The following EPC2 variants were observed in gnomAD, a reference collection of about 807,000 sequenced individuals.
The protein encoded by EPC2 is enhancer of polycomb homolog 2.
In EPC2, 14 loss-of-function variants were observed where a neutral mutation model predicts 92.1. The observed-to-expected ratio is 0.15, with a 90% confidence interval of 0.10 to 0.24. The LOEUF is 0.24. Ranked by LOEUF, EPC2 falls within the 10% of genes least tolerant of loss-of-function variation. EPC2 has a pLI of 1.00. For missense variants in EPC2, 755 were observed against 971.5 expected (o/e 0.78, Z 2.96); for synonymous variants, 340 against 334.7 (o/e 1.02, Z -0.17).
rs764012063 is a variant in EPC2 at position 148,784,954 on chromosome 2, C to G, written c.2304C>G (p.Asp768Glu). 3.9e-6 allele frequency: 6 copies of G among 1,558,182 alleles called. No homozygotes were observed. Among genetic ancestry groups the G allele is most frequent in the Non-Finnish European group, 5.2e-6 (6 of 1,150,846 alleles). Residue 768 changes from aspartate to glutamate, a missense_variant, in exon 13 of 14, where the codon GAC (aspartate) becomes GAG (glutamate). This residue lies in a region of EPC2 where 207 missense variants were observed against 260.5 expected (regional missense o/e 0.79). Coordinates refer to ENST00000258484, the MANE Select transcript of EPC2 (RefSeq NM_015630.4). Reference sequence around the variant, plus strand: ...TTGCCACAGTTGCTGCCAGTATGGACAGAGTGCCAAAGGTTACTCCCAGCA... The same window carrying G: ...TTGCCACAGTTGCTGCCAGTATGGAGAGAGTGCCAAAGGTTACTCCCAGCA... ...LKLATVAASM[D>E]RVPKVTPSSA...
chr2:148,651,253 A>G (rs1260678631), intron 1 of EPC2, among the ~76,000 whole-genome samples: 1 of 152,198 alleles, frequency 6.6e-6, no homozygotes. Flanking sequence ...AGGTTCTTCC[A>G]TGTTAGATGC....
At chr2:148,774,199 T>C (rs534480809) in intron 10 of EPC2, among the ~76,000 whole-genome samples, 1 of 152,326 alleles carries the variant, frequency 6.6e-6, no homozygotes, top group South Asian at 2.1e-4. Context: ...CACCAGTTCC[T>C]TAGTTCTTAA....
chr2:148,741,949 T>C (rs753812303), intron 2 of EPC2, among the ~76,000 whole-genome samples: 2 of 152,194 alleles, frequency 1.3e-5, no homozygotes, highest in Non-Finnish European at 2.9e-5. Context: ...ATATCCAACC[T>C]TGTCCTTTTT....
intron 3 of EPC2, among the ~76,000 whole-genome samples, chr2:148,745,792 C>T (rs1446053707): frequency 6.6e-6 from 1 of 152,046 alleles, no homozygotes; most frequent in Non-Finnish European, 1.5e-5. Flanking sequence ...GTACTAGGTC[C>T]TGGGACAAGG....
chr2:148,662,098 A>G (rs547639084), intron 1 of EPC2, among the ~76,000 whole-genome samples: 3 of 152,358 alleles, frequency 2.0e-5, no homozygotes, highest in African/African-American at 7.2e-5. Flanking sequence ...AGAGAAATGC[A>G]AATCAAAACT....
At chr2:148,667,585 T>A (rs950403652) in intron 1 of EPC2, among the ~76,000 whole-genome samples, 5 of 152,232 alleles carry the variant, frequency 3.3e-5, no homozygotes, top group Non-Finnish European at 5.9e-5. Flanking sequence ...GCAGTTTTAC[T>A]TCTTCCTCTC....
intron 2 of EPC2, among the ~76,000 whole-genome samples, chr2:148,726,396 C>G (rs58672311): frequency 0.2 from 30,172 of 152,018 alleles, 3,648 homozygotes; most frequent in East Asian, 0.49. Flanking sequence ...GCTGTACCAG[C>G]GACAGTAGTA....
At chr2:148,748,431 C>T (rs1311222251) in intron 3 of EPC2, among the ~76,000 whole-genome samples, 1 of 152,042 alleles carries the variant, frequency 6.6e-6, no homozygotes, top group Non-Finnish European at 1.5e-5. Context: ...TTCTAGTTGG[C>T]CAGTTTGCAC....
chr2:148,689,181 A>T (rs1158188721), intron 1 of EPC2, among the ~76,000 whole-genome samples: 4 of 145,356 alleles, frequency 2.8e-5, no homozygotes, highest in Non-Finnish European at 6.1e-5. Context: ...ATTGAGTGAA[A>T]TTTTTTTTTT....
intron 2 of EPC2, among the ~76,000 whole-genome samples, chr2:148,717,193 A>ATTTTTTTTTTTTTTTTTTTTTTTTTTTTT (rs61215161): frequency 9.9e-6 from 1 of 100,898 alleles, no homozygotes; most frequent in Non-Finnish European, 2.0e-5. Flanking sequence ...GGATTCATTG[A>ATTTTTTTTTTTTTTTTTTTTTTTTTTTTT]TTTTTTTTTT....
At chr2:148,757,057 C>T (rs562826385) in intron 4 of EPC2, among the ~76,000 whole-genome samples, 2 of 152,274 alleles carry the variant, frequency 1.3e-5, no homozygotes, top group African/African-American at 4.8e-5. Flanking sequence ...GAAAAAATGT[C>T]AATATGAACT....
chr2:148,763,142 C>T (rs1683334128), intron 6 of EPC2, among the ~76,000 whole-genome samples: 1 of 152,128 alleles, frequency 6.6e-6, no homozygotes, highest in South Asian at 2.1e-4. Context: ...TAGTTATTAT[C>T]ACTAGCCTTA....
chr2:148,660,005 T>G (rs1381803874), intron 1 of EPC2, among the ~76,000 whole-genome samples: 1 of 152,172 alleles, frequency 6.6e-6, no homozygotes, highest in African/African-American at 2.4e-5. Context: ...TCTTCCATTA[T>G]AACAATATCA....
intron 2 of EPC2, among the ~76,000 whole-genome samples, chr2:148,730,586 A>G (rs1682597641): frequency 6.6e-6 from 1 of 152,178 alleles, no homozygotes. Flanking sequence ...AACCTGTTTT[A>G]ACAAACCCTT....
chr2:148,782,349 C>A (rs1683769235), intron 11 of EPC2, among the ~76,000 whole-genome samples: 1 of 152,144 alleles, frequency 6.6e-6, no homozygotes, highest in East Asian at 1.9e-4. Context: ...TCAGCCTGGT[C>A]AACGTGGCAA....
chr2:148,725,088 A>G (rs1401075949), intron 2 of EPC2, among the ~76,000 whole-genome samples: 1 of 152,134 alleles, frequency 6.6e-6, no homozygotes, highest in Non-Finnish European at 1.5e-5. Flanking sequence ...TTTTTGGAAT[A>G]TAGAATTCAA....
chr2:148,718,024 T>C (rs1033857916), intron 2 of EPC2, among the ~76,000 whole-genome samples: 2 of 152,240 alleles, frequency 1.3e-5, no homozygotes, highest in Middle Eastern at 3.2e-3. Context: ...TTGATCTTTG[T>C]TGGTTTAAAG....
intron 3 of EPC2, among the ~76,000 whole-genome samples, chr2:148,747,395 T>TA (rs1683006032): frequency 6.6e-6 from 1 of 152,062 alleles, no homozygotes; most frequent in African/African-American, 2.4e-5. Context: ...TATTTTCACT[T>TA]ATCTCCTCTC....
chr2:148,715,025 G>GGTT (rs1682229064), intron 2 of EPC2, among the ~76,000 whole-genome samples: 1 of 86,860 alleles, frequency 1.2e-5, no homozygotes, highest in African/African-American at 5.3e-5. Flanking sequence ...TTCTTCTAGG[G>GGTT]TTTTTTTTTT....
Sources: gnomAD v4.1 joint callset for allele counts (sites outside exome capture counted in the v4.1 genomes callset) on GRCh38, gnomAD v4.1.1 for gene constraint, gnomAD v4.1.1 regional missense constraint, MANE v1.5 for transcripts, NCBI Gene and HGNC (gene_info 2026-07-23, HGNC 2026-07-21) for gene names.